Variants in DCDC2C observed in about 807,000 individuals in gnomAD.
The protein encoded by DCDC2C is doublecortin domain-containing protein 2C.
Under a neutral mutation model 45.0 loss-of-function variants are expected in DCDC2C, and 44 were observed. The observed-to-expected ratio is 0.98, with a 90% CI of 0.77 to 1.26. DCDC2C has a LOEUF of 1.26. DCDC2C is among the 50% of genes most tolerant of loss of function. DCDC2C has a pLI of 0.00. For synonymous variants in DCDC2C, 187 were observed against 178.8 expected (o/e 1.05, Z -0.37); for missense variants, 447 against 468.9 (o/e 0.95, Z 0.43).
chr2:3,842,440 G>C (rs1219449728), intron 10 of DCDC2C, among the ~76,000 whole-genome samples: 1 of 152,054 alleles, frequency 6.6e-6, no homozygotes, highest in African/African-American at 2.4e-5. Flanking sequence ...GTGAGGAAGG[G>C]GGTGGTGGGC....
chr2:3,741,698 C>T (rs1669212921), intron 3 of DCDC2C, among the ~76,000 whole-genome samples: 1 of 151,820 alleles, frequency 6.6e-6, no homozygotes, highest in African/African-American at 2.4e-5. Context: ...CACACATACA[C>T]ACACACACAT....
intron 10 of DCDC2C, among the ~76,000 whole-genome samples, chr2:3,792,541 A>G (rs570609072): frequency 1.1e-4 from 16 of 152,362 alleles, no homozygotes; most frequent in African/African-American, 3.8e-4. Flanking sequence ...ATAATTATAT[A>G]TATAGTCAAT....
At chr2:3,796,902 T>G (rs1026954836) in intron 10 of DCDC2C, among the ~76,000 whole-genome samples, 1 of 152,176 alleles carries the variant, frequency 6.6e-6, no homozygotes, top group Non-Finnish European at 1.5e-5. Context: ...TTACGGAGGA[T>G]TCCCTCTTTT....
At chr2:3,798,195 C>T (rs1671014168) in intron 10 of DCDC2C, among the ~76,000 whole-genome samples, 2 of 152,024 alleles carry the variant, frequency 1.3e-5, no homozygotes, top group East Asian at 1.9e-4. Flanking sequence ...ATTGCAACCC[C>T]TGCCTTTTTT....
intron 9 of DCDC2C, among the ~76,000 whole-genome samples, chr2:3,784,710 A>G (rs1304676812): frequency 1.3e-5 from 2 of 151,648 alleles, no homozygotes; most frequent in Admixed American, 1.3e-4. Flanking sequence ...AGATAGACTC[A>G]TATAACAGAA....
chr2:3,706,995 G>A (rs1268552485), intron 1 of DCDC2C, among the ~76,000 whole-genome samples: 2 of 152,216 alleles, frequency 1.3e-5, no homozygotes, highest in East Asian at 1.9e-4. Context: ...TGCCTGGCAC[G>A]GATTCTCATG....
At chr2:3,828,972 G>C (rs771246113) in intron 10 of DCDC2C, among the ~76,000 whole-genome samples, 1 of 152,132 alleles carries the variant, frequency 6.6e-6, no homozygotes, top group Non-Finnish European at 1.5e-5. Context: ...ATTAGGAAGC[G>C]GAGGGGTATT....
At chr2:3,750,014 CA>C (rs1291927436) in intron 4 of DCDC2C, among the ~76,000 whole-genome samples, 1 of 152,008 alleles carries the variant, frequency 6.6e-6, no homozygotes, top group African/African-American at 2.4e-5. Context: ...CCCTCCACCC[CA>C]AGCCATCAGC....
chr2:3,800,189 C>A (rs111525156), intron 10 of DCDC2C, among the ~76,000 whole-genome samples: 1 of 152,186 alleles, frequency 6.6e-6, no homozygotes, highest in Non-Finnish European at 1.5e-5. Flanking sequence ...TGACCCCTTG[C>A]GCTTCCCGAG....
intron 3 of DCDC2C, among the ~76,000 whole-genome samples, chr2:3,732,096 G>T (rs1319928140): frequency 6.6e-6 from 1 of 152,172 alleles, no homozygotes; most frequent in Admixed American, 6.5e-5. Flanking sequence ...CAGGCAGATC[G>T]AGATGGAGGG....
At chr2:3,744,767 T>G (rs933646156) in intron 4 of DCDC2C, among the ~76,000 whole-genome samples, 1 of 152,138 alleles carries the variant, frequency 6.6e-6, no homozygotes, top group Non-Finnish European at 1.5e-5. Context: ...TGTCGAGCCG[T>G]TTAGAGCAGT....
At chr2:3,736,501 T>C (rs1174188310) in intron 3 of DCDC2C, among the ~76,000 whole-genome samples, 2 of 152,086 alleles carry the variant, frequency 1.3e-5, no homozygotes, top group Non-Finnish European at 2.9e-5. Flanking sequence ...GTGGCAGTTA[T>C]AAGAGCATTG....
chr2:3,792,145 G>T (rs750813067), intron 10 of DCDC2C, among the ~76,000 whole-genome samples: 6 of 152,216 alleles, frequency 3.9e-5, no homozygotes, highest in African/African-American at 1.4e-4. Flanking sequence ...AATTAAAAGT[G>T]TCAGTGTAGG....
At chr2:3,766,570 G>A (rs898996237) in intron 6 of DCDC2C, among the ~76,000 whole-genome samples, 5 of 152,110 alleles carry the variant, frequency 3.3e-5, no homozygotes, top group Non-Finnish European at 7.3e-5. Context: ...ATTTTGTGTG[G>A]TCGCATGTAT....
At chr2:3,705,795 A>C (rs970347816) in intron 1 of DCDC2C, among the ~76,000 whole-genome samples, 1 of 151,768 alleles carries the variant, frequency 6.6e-6, no homozygotes, top group African/African-American at 2.4e-5. Context: ...TATTGAGAAA[A>C]AATTGAGATG....
intron 6 of DCDC2C, among the ~76,000 whole-genome samples, chr2:3,763,328 C>T (rs1390425621): frequency 3.9e-5 from 6 of 152,192 alleles, no homozygotes; most frequent in Non-Finnish European, 8.8e-5. Context: ...ACACAGCTGA[C>T]GTGGTGGGCC....
chr2:3,806,606 G>A (rs952545438), intron 10 of DCDC2C, among the ~76,000 whole-genome samples: 2 of 150,914 alleles, frequency 1.3e-5, no homozygotes, highest in Non-Finnish European at 2.9e-5. Context: ...GCAATGGCGT[G>A]ATCTCAGCTC....
chr2:3,845,025 G>GTA (rs1672295018), intron 10 of DCDC2C, among the ~76,000 whole-genome samples: 1 of 152,110 alleles, frequency 6.6e-6, no homozygotes, highest in African/African-American at 2.4e-5. Flanking sequence ...GCCGATATAG[G>GTA]TATATATATG....
chr2:3,790,087 T>C (rs2148188724), intron 10 of DCDC2C, among the ~76,000 whole-genome samples: 1 of 152,338 alleles, frequency 6.6e-6, no homozygotes, highest in Admixed American at 6.5e-5. Context: ...TCCACCAGAC[T>C]GACGAAGGGT....
Sources: gnomAD v4.1 joint callset for allele counts (sites outside exome capture counted in the v4.1 genomes callset) on GRCh38, gnomAD v4.1.1 for gene constraint, MANE v1.5 for transcripts, NCBI Gene and HGNC (gene_info 2026-07-23, HGNC 2026-07-21) for gene names.